Variants in SLC60A1 observed in about 807,000 individuals in gnomAD.
SLC60A1 encodes the protein solute carrier family 60 member 1.
chr1:205,594,868 C>A, the SLC60A1 span, among the ~76,000 whole-genome samples: 1 of 152,120 alleles, frequency 6.6e-6, no homozygotes, highest in Non-Finnish European at 1.5e-5. Context: ...TTGCCTCCAT[C>A]TAACCCAGCT....
the SLC60A1 span, among the ~76,000 whole-genome samples, chr1:205,575,290 C>G: frequency 6.6e-6 from 1 of 152,188 alleles, no homozygotes; most frequent in South Asian, 2.1e-4. Flanking sequence ...ATTTTCCAGG[C>G]TGGGAGGGGA....
chr1:205,597,373 GTTTTT>G, the SLC60A1 span, among the ~76,000 whole-genome samples: 10 of 37,246 alleles, frequency 2.7e-4, no homozygotes, highest in South Asian at 1.0e-3. Flanking sequence ...AACCTAGGTT[GTTTTT>G]TTTTTTTTTT....
chr1:205,586,619 C>A, the SLC60A1 span, among the ~76,000 whole-genome samples: 2 of 152,090 alleles, frequency 1.3e-5, no homozygotes, highest in Non-Finnish European at 2.9e-5. Flanking sequence ...CTGTGGAGGC[C>A]AGGGATCCCA....
the SLC60A1 span, among the ~76,000 whole-genome samples, chr1:205,596,752 C>T: frequency 6.6e-6 from 1 of 152,012 alleles, no homozygotes; most frequent in Non-Finnish European, 1.5e-5. Flanking sequence ...AAGTCCTTGG[C>T]CTTCATCCTG....
chr1:205,598,894 G>C, the SLC60A1 span: 10 of 555,856 alleles, frequency 1.8e-5, no homozygotes, highest in East Asian at 3.1e-4. Context: ...GAGCTGCAAG[G>C]GACTGCAGGG....
chr1:205,588,052 T>C, the SLC60A1 span, among the ~76,000 whole-genome samples: 2 of 152,194 alleles, frequency 1.3e-5, no homozygotes, highest in African/African-American at 2.4e-5. Flanking sequence ...GGAGGAGGCA[T>C]AGCAATCTAT....
chr1:205,575,807 C>G, the SLC60A1 span, among the ~76,000 whole-genome samples: 2 of 152,238 alleles, frequency 1.3e-5, no homozygotes, highest in African/African-American at 4.8e-5. Context: ...GTTTTCCAGA[C>G]TGTCCAGGCT....
At chr1:205,571,833 G>A in the SLC60A1 span, among the ~76,000 whole-genome samples, 1 of 152,214 alleles carries the variant, frequency 6.6e-6, no homozygotes, top group African/African-American at 2.4e-5. Flanking sequence ...ACCAGCTAAC[G>A]CTCTCACTTG....
the SLC60A1 span, chr1:205,585,106 AG>A: frequency 2.5e-6 from 2 of 814,248 alleles, no homozygotes; most frequent in Non-Finnish European, 4.0e-6. This position sits in a 1 kb window ranked among gnomAD's most constrained non-coding sequence, Gnocchi z 4.2. Flanking sequence ...CTTCTCCTGG[AG>A]TACACTTGAT....
At chr1:205,584,954 C>A in the SLC60A1 span, 1 of 1,613,936 alleles carries the variant, frequency 6.2e-7, no homozygotes. Context: ...ATCCACATCA[C>A]GGGCGCCCTG....
At chr1:205,580,567 CAG>C in the SLC60A1 span, 1 of 1,478,562 alleles carries the variant, frequency 6.8e-7, no homozygotes, top group Non-Finnish European at 9.2e-7. The surrounding 1 kb of genome is among the most constrained non-coding windows in gnomAD (Gnocchi z 5.0). Context: ...GGAGGGGGCT[CAG>C]TGTGGGTCCT....
At chr1:205,591,969 CG>C in the SLC60A1 span, 12 of 836,944 alleles carry the variant, frequency 1.4e-5, no homozygotes, top group South Asian at 2.1e-4. Flanking sequence ...GAACGGTCCC[CG>C]GAACACTGCG....
chr1:205,572,530 A>G, the SLC60A1 span, among the ~76,000 whole-genome samples: 1 of 151,956 alleles, frequency 6.6e-6, no homozygotes, highest in Non-Finnish European at 1.5e-5. Flanking sequence ...AGACCTAGCT[A>G]TGACTCCCTC....
At chr1:205,585,237 T>C in the SLC60A1 span, among the ~76,000 whole-genome samples, 2 of 152,180 alleles carry the variant, frequency 1.3e-5, no homozygotes, top group African/African-American at 4.8e-5. The surrounding 1 kb of genome is among the most constrained non-coding windows in gnomAD (Gnocchi z 4.2). Context: ...TTGTTAATGC[T>C]ATAGGTAGGG....
chr1:205,575,072 C>T, the SLC60A1 span, among the ~76,000 whole-genome samples: 1 of 152,192 alleles, frequency 6.6e-6, no homozygotes, highest in Non-Finnish European at 1.5e-5. Context: ...CTGCCCCTTC[C>T]CCATCAGCCT....
chr1:205,569,132 C>T, the SLC60A1 span: 2 of 1,533,596 alleles, frequency 1.3e-6, no homozygotes, highest in East Asian at 2.6e-5. Context: ...CGCTCACCTA[C>T]TGGAGCGTCT....
the SLC60A1 span, among the ~76,000 whole-genome samples, chr1:205,585,682 A>G: frequency 2.1e-5 from 2 of 97,056 alleles, no homozygotes; most frequent in Non-Finnish European, 4.1e-5. The surrounding 1 kb of genome is among the most constrained non-coding windows in gnomAD (Gnocchi z 4.2). Flanking sequence ...ATGCTTGCAC[A>G]CACCTTTTTT....
the SLC60A1 span, among the ~76,000 whole-genome samples, chr1:205,596,184 C>T: frequency 6.6e-6 from 1 of 152,140 alleles, no homozygotes; most frequent in East Asian, 1.9e-4. Context: ...GTGCTACTAA[C>T]AGGCACTGGT....
At chr1:205,593,506 A>C in the SLC60A1 span, among the ~76,000 whole-genome samples, 4 of 150,858 alleles carry the variant, frequency 2.7e-5, no homozygotes, top group East Asian at 7.8e-4. Context: ...GAGTGGGGGA[A>C]GTTGGTGTAC....
Sources: gnomAD v4.1 joint callset for allele counts (sites outside exome capture counted in the v4.1 genomes callset) on GRCh38, gnomAD v4.1.1 for gene constraint, Gnocchi (gnomAD v3.1) non-coding constraint, MANE v1.5 for transcripts, NCBI Gene and HGNC (gene_info 2026-07-23, HGNC 2026-07-21) for gene names.